HECTD4: variants seen among roughly 807,000 people sequenced by gnomAD.
HECTD4 encodes the protein probable E3 ubiquitin-protein ligase HECTD4.
In HECTD4, 114 loss-of-function variants were observed where a neutral mutation model predicts 471.5. The ratio of observed to expected loss-of-function variants is 0.24; its 90% CI spans 0.21 to 0.28. The LOEUF is 0.28. HECTD4 is among the 10% of genes least tolerant of loss of function. HECTD4 has a pLI of 1.00. For synonymous variants in HECTD4, 2,012 were observed against 2,256.0 expected (o/e 0.89, Z 3.07); for missense variants, 3,866 against 5,651.5 (o/e 0.68, Z 10.13).
intron 8 of HECTD4, among the ~76,000 whole-genome samples, chr12:112,281,737 TTAACTA>T (rs1192159795): frequency 2.6e-5 from 4 of 152,192 alleles, no homozygotes; most frequent in Non-Finnish European, 4.4e-5. Context: ...TCATAATAAA[TTAACTA>T]TAAATATTTT....
intron 67 of HECTD4, 100 bp from the exon 68 acceptor site, chr12:112,171,363 G>T (rs757849257): frequency 7.3e-6 from 11 of 1,514,314 alleles, no homozygotes; most frequent in Non-Finnish European, 8.8e-6. Flanking sequence ...AACAGGATTG[G>T]TGGATTTTTT....
In HECTD4 at chr12:112,231,601, G is replaced by A. The variant is rs924054961; in HGVS notation, c.6112C>T (p.Pro2038Ser). Residue 2038 changes from proline (P) to serine (S), a missense_variant, in exon 39 of 76, where the codon CCA becomes TCA. Pro to Ser is a moderately conservative substitution (Grantham distance 74). Transcript: ENST00000682272. Reference sequence around the variant, plus strand: ...GTGGATAGTCCACTCACAGTCTCTGGGTTGATAGACTCTACAGGTGGCCCA... The same window carrying A: ...GTGGATAGTCCACTCACAGTCTCTGAGTTGATAGACTCTACAGGTGGCCCA... ...SIGPPVESIN[P>S]ETVSGLSTGD... The A allele has an allele frequency of 6.2e-7, 1 of 1,613,922 alleles. No individual in the cohort carries two copies. Among genetic ancestry groups the A allele is most frequent in the African/African-American group, 1.3e-5 (1 of 75,028 alleles).
At chr12:112,251,817 G>T (rs907005956) in intron 23 of HECTD4, among the ~76,000 whole-genome samples, 2 of 152,216 alleles carry the variant, frequency 1.3e-5, no homozygotes, top group African/African-American at 4.8e-5. Flanking sequence ...CTATCACCCA[G>T]GCTGGAGTAC....
intron 7 of HECTD4, among the ~76,000 whole-genome samples, chr12:112,300,854 A>G (rs1028693587): frequency 8.6e-5 from 13 of 151,998 alleles, no homozygotes; most frequent in African/African-American, 3.1e-4. Flanking sequence ...ATAGGCATGA[A>G]CTACTGCACC....
chr12:112,358,831 T>C (rs1484100537), intron 1 of HECTD4, among the ~76,000 whole-genome samples: 4 of 152,112 alleles, frequency 2.6e-5, no homozygotes, highest in African/African-American at 4.8e-5. Context: ...ACTGTCAACA[T>C]AGTAAGAAAG....
Position 112,261,366 on chromosome 12 carries a change from C to T in HECTD4, c.2812G>A (p.Glu938Lys). Residue 938 changes from glutamate (E) to lysine (K), a missense_variant, in exon 18 of 76, where the codon GAA (glutamate) becomes AAA (lysine). By Grantham distance (56) the Glu-to-Lys change is moderately conservative. This residue lies in a region of HECTD4 where 525 missense variants were observed against 672.6 expected (regional missense o/e 0.78). Coordinates refer to ENST00000682272, the MANE Select transcript of HECTD4 (RefSeq NM_001388303.1). ...GCAGTTGTGACCTGCTGTAGCATTT[C>T]CAACACTTCATCACATCCAGTCAGG... is the stretch of plus-strand genomic sequence containing the variant. ...QILTGCDEVL[E>K]MLQQVTTALI... The T allele has an allele frequency of 6.2e-7, 1 of 1,612,078 alleles. No homozygotes were observed. The highest frequency in any genetic ancestry group is 8.5e-7 in the Non-Finnish European group (1 of 1,178,250).
chr12:112,332,788 C>T (rs888154150), intron 1 of HECTD4, among the ~76,000 whole-genome samples: 1 of 150,694 alleles, frequency 6.6e-6, no homozygotes, highest in Admixed American at 6.7e-5. Flanking sequence ...AGAACATTTT[C>T]ATCACACACC....
chr12:112,264,327 A>G lies in HECTD4; in HGVS notation c.2620-115T>C, dbSNP rs979023393. 3 of 1,063,674 alleles carry G rather than the reference A, an allele frequency of 2.8e-6. 1 individual carries two copies. In the South Asian group the frequency reaches 7.9e-5, roughly 28 times the overall value. 65.9% of individuals were successfully genotyped at this position (1,063,674 alleles called of 1,614,324 possible). Reference sequence around the variant, plus strand: ...GAAAACAAAAAGAGAAATAAAAAAAACAGACCAAGTTAGTTTTTCAGGTGC... The same window carrying G: ...GAAAACAAAAAGAGAAATAAAAAAAGCAGACCAAGTTAGTTTTTCAGGTGC... On this transcript the variant is annotated intron_variant, in intron 16 of 75. Coordinates refer to ENST00000682272, the MANE Select transcript of HECTD4 (RefSeq NM_001388303.1).
chr12:112,350,156 A>G (rs569423128), intron 1 of HECTD4, among the ~76,000 whole-genome samples: 5 of 152,042 alleles, frequency 3.3e-5, no homozygotes, highest in African/African-American at 1.2e-4. Context: ...GGTTCTTGCC[A>G]TGTTGCCTAG....
At chr12:112,252,693 A>AATT in intron 22 of HECTD4, 165 bp from the exon 23 acceptor site, 1 of 804,834 alleles carries the variant, frequency 1.2e-6, no homozygotes, top group Non-Finnish European at 1.9e-6. Context: ...CATTTAGACA[A>AATT]CCAGTCCTTT....
chr12:112,297,117 ATGTAGGTGCAGAGGG>A (rs1297448973), intron 7 of HECTD4, among the ~76,000 whole-genome samples: 1 of 138,674 alleles, frequency 7.2e-6, no homozygotes, highest in Non-Finnish European at 1.6e-5. Context: ...GGTGCTGTGG[ATGTAGGTGCAGAGGG>A]TGTAGGTACA....
intron 4 of HECTD4, among the ~76,000 whole-genome samples, chr12:112,310,236 T>C (rs1566107330): frequency 2.0e-5 from 3 of 152,218 alleles, no homozygotes; most frequent in Admixed American, 6.5e-5. Context: ...TAGTATTCCA[T>C]AAATGGCAAA....
intron 50 of HECTD4, among the ~76,000 whole-genome samples, chr12:112,209,748 A>C (rs912556424): frequency 2.6e-5 from 4 of 152,248 alleles, no homozygotes; most frequent in Non-Finnish European, 4.4e-5. Flanking sequence ...GAGACTTCAT[A>C]CAAAGTCCTG....
At chr12:112,328,570 T>C (rs568951100) in intron 1 of HECTD4, among the ~76,000 whole-genome samples, 3 of 152,312 alleles carry the variant, frequency 2.0e-5, no homozygotes, top group South Asian at 4.1e-4. Flanking sequence ...CCAAATTGAA[T>C]TGCATGTTGC....
Position 112,194,737 on chromosome 12 carries a change from G to A in HECTD4, c.8749+148C>T. 2 of 690,006 alleles carry A rather than the reference G, an allele frequency of 2.9e-6. No individual in the cohort carries two copies. Among genetic ancestry groups the A allele is most frequent in the Non-Finnish European group, 4.8e-6 (2 of 414,524 alleles). The allele number at this position is 690,006 out of a possible 1,614,324, so 42.7% of individuals were successfully genotyped here. Reference sequence around the variant, plus strand: ...TCGAAGAGTGAGAAAGCCCTGCCAGGAGAATCCCAGTTCCTGCGTGCAATT... The same window carrying A: ...TCGAAGAGTGAGAAAGCCCTGCCAGAAGAATCCCAGTTCCTGCGTGCAATT... On this transcript the variant is annotated intron_variant, in intron 56 of 75. Coordinates refer to ENST00000682272, the MANE Select transcript of HECTD4 (RefSeq NM_001388303.1). This position sits in a 1 kb window ranked among gnomAD's most constrained non-coding sequence, Gnocchi z 4.6.
Position 112,173,351 on chromosome 12 carries a change from T to C in HECTD4, c.11595-490A>G, listed in dbSNP as rs1284794406. On this transcript the variant is annotated intron_variant, in intron 66 of 75. Transcript: ENST00000682272. The surrounding 1 kb of genome is among the most constrained non-coding windows in gnomAD (Gnocchi z 4.3). ...GACCACAAGTGCGAGCCACTTTGCT[T>C]GCCTAATTTTAAAATTTTAATTTTT... Among the ~76,000 whole-genome samples, 3 of 151,892 alleles carry C rather than the reference T, an allele frequency of 2.0e-5. No individual in the cohort carries two copies. In the East Asian group the frequency reaches 5.8e-4, roughly 29 times the overall value.
intron 3 of HECTD4, 49 bp from the exon 4 acceptor site, chr12:112,313,196 C>A: frequency 6.8e-7 from 1 of 1,477,176 alleles, no homozygotes; most frequent in Non-Finnish European, 9.0e-7. Flanking sequence ...CAATCCATTT[C>A]AGCAAGAAGT....
chr12:112,367,108 T>C (rs1182351156), intron 1 of HECTD4, among the ~76,000 whole-genome samples: 1 of 148,702 alleles, frequency 6.7e-6, no homozygotes, highest in Non-Finnish European at 1.5e-5. Flanking sequence ...ACGAGACCCG[T>C]CTGGCCAACA....
intron 7 of HECTD4, chr12:112,302,356 CTCTGG>C (rs2035183106): frequency 1.3e-6 from 1 of 757,478 alleles, no homozygotes; most frequent in African/African-American, 1.7e-5. Flanking sequence ...CTTGCTTTGT[CTCTGG>C]TCTGTATTTG....
Sources: allele counts gnomAD v4.1 joint callset (sites outside exome capture counted in the v4.1 genomes callset), GRCh38; gene constraint gnomAD v4.1.1; regional missense constraint gnomAD v4.1.1; non-coding constraint Gnocchi (gnomAD v3.1); transcripts MANE v1.5; gene names NCBI Gene and HGNC (gene_info 2026-07-23, HGNC 2026-07-21).